SP2: variants seen among roughly 807,000 people sequenced by gnomAD.
SP2 encodes the protein transcription factor Sp2.
A neutral mutation model predicts 50.1 loss-of-function variants in SP2; 9 were observed. That is an observed-to-expected ratio of 0.18 (90% CI 0.11 to 0.31). The LOEUF is 0.31. Ranked by LOEUF, SP2 falls within the 10% of genes least tolerant of loss-of-function variation. SP2 has a pLI of 1.00. For missense variants in SP2, 581 were observed against 806.5 expected, an observed-to-expected ratio of 0.72 and a Z score of 3.39; for synonymous variants, 313 against 326.6, an observed-to-expected ratio of 0.96 and a Z score of 0.45.
intron 1 of SP2, among the ~76,000 whole-genome samples, chr17:47,903,188 C>G (rs990629390): frequency 6.6e-6 from 1 of 152,110 alleles, no homozygotes; most frequent in African/African-American, 2.4e-5. Context: ...GTTTCTAAAC[C>G]CACGAGACTA....
At chr17:47,927,406 A>G (rs2144101658) in intron 6 of SP2, among the ~76,000 whole-genome samples, 1 of 151,946 alleles carries the variant, frequency 6.6e-6, no homozygotes, top group East Asian at 1.9e-4. Flanking sequence ...AGTGGCGGGC[A>G]TCTGTAGTCC....
At chr17:47,909,818 A>G (rs1048256398) in intron 1 of SP2, 2 of 342,778 alleles carry the variant, frequency 5.8e-6, no homozygotes, top group Non-Finnish European at 8.2e-6. Flanking sequence ...TGTGTTTCCA[A>G]TCCTTCTCAC....
intron 1 of SP2, among the ~76,000 whole-genome samples, chr17:47,909,325 TA>T (rs1395551874): frequency 2.6e-5 from 4 of 152,240 alleles, no homozygotes; most frequent in Non-Finnish European, 5.9e-5. Flanking sequence ...CCATTCAGCT[TA>T]AAGTCAAAAC....
intron 1 of SP2, among the ~76,000 whole-genome samples, chr17:47,900,958 C>T (rs927442329): frequency 1.3e-5 from 2 of 152,098 alleles, no homozygotes; most frequent in East Asian, 3.8e-4. Flanking sequence ...GATGCTGTTT[C>T]TTGGGCCTGC....
downstream of SP2, among the ~76,000 whole-genome samples, chr17:47,931,403 G>C (rs1035777995): frequency 6.6e-6 from 1 of 152,088 alleles, no homozygotes; most frequent in African/African-American, 2.4e-5. Flanking sequence ...AGGCTTGTTT[G>C]ATGACAGTGC....
chr17:47,925,247 C>T, intron 5 of SP2, 101 bp from the exon 6 acceptor site: 2 of 1,415,658 alleles, frequency 1.4e-6, no homozygotes, highest in African/African-American at 1.4e-5. Context: ...TGCTCTCTGA[C>T]CTGACCCCAC....
At chr17:47,917,629 T>G (rs1021747029) in intron 3 of SP2, among the ~76,000 whole-genome samples, 6 of 151,212 alleles carry the variant, frequency 4.0e-5, no homozygotes, top group Non-Finnish European at 8.9e-5. Context: ...TAGGGTGTTT[T>G]TTTTTTTTTT....
chr17:47,904,275 A>AG (rs966043080), intron 1 of SP2, among the ~76,000 whole-genome samples: 6 of 151,880 alleles, frequency 4.0e-5, no homozygotes, highest in Admixed American at 2.0e-4. Flanking sequence ...AAAAAAAAAA[A>AG]AAAAAGAAGT....
downstream of SP2, among the ~76,000 whole-genome samples, chr17:47,930,895 C>G (rs1201516793): frequency 6.6e-6 from 1 of 152,170 alleles, no homozygotes; most frequent in Non-Finnish European, 1.5e-5. Context: ...ATCCCACAGC[C>G]TAGGATTCCA....
At position 47,927,725 on chromosome 17, in the gene SP2, G is replaced by T; in HGVS notation, c.1743G>T (p.Gly581=). The change falls in exon 7 of 7, where the codon GGG becomes GGT. Residue 581 remains glycine (G), a splice_region_variant and synonymous_variant. Coordinates refer to ENST00000376741, the MANE Select transcript of SP2 (RefSeq NM_003110.6). Reference sequence around the variant, plus strand: ...GTGATGGGCATCTCCTCTTCCCAGGGGACAAACGCTTCGAGTGCGCCCAGT... The same window carrying T: ...GTGATGGGCATCTCCTCTTCCCAGGTGACAAACGCTTCGAGTGCGCCCAGT... ...ELQRHARTHT[G]DKRFECAQCQ... is the part of the protein sequence containing the mutation. 1 of 1,574,900 alleles carries T rather than the reference G, an allele frequency of 6.3e-7. No homozygotes were observed. Among genetic ancestry groups the T allele is most frequent in the Non-Finnish European group, 8.6e-7 (1 of 1,158,806 alleles).
At chr17:47,925,119 A>G in intron 5 of SP2, 26 bp downstream of exon 5, 1 of 1,583,546 alleles carries the variant, frequency 6.3e-7, no homozygotes. Flanking sequence ...GGCCCAAGCC[A>G]CAAGGCTGGC....
At chr17:47,917,405 G>C (rs1034842393) in intron 3 of SP2, among the ~76,000 whole-genome samples, 5 of 152,074 alleles carry the variant, frequency 3.3e-5, no homozygotes, top group African/African-American at 7.2e-5. Flanking sequence ...TGAGGGGATA[G>C]ATACATACTT....
chr17:47,931,611 T>C (rs1184278947), downstream of SP2, among the ~76,000 whole-genome samples: 1 of 152,184 alleles, frequency 6.6e-6, no homozygotes, highest in Non-Finnish European at 1.5e-5. Flanking sequence ...CTGAGGCCCC[T>C]TTAAGGTTGC....
chr17:47,923,485 CAG>C (rs749524633), intron 4 of SP2, among the ~76,000 whole-genome samples: 1 of 152,230 alleles, frequency 6.6e-6, no homozygotes, highest in Non-Finnish European at 1.5e-5. Flanking sequence ...CAGCTGAAGA[CAG>C]AGAAGATAGA....
chr17:47,902,144 A>G (rs577393566), intron 1 of SP2, among the ~76,000 whole-genome samples: 5 of 152,174 alleles, frequency 3.3e-5, no homozygotes, highest in South Asian at 4.2e-4. Flanking sequence ...GCCTTTTTCT[A>G]TCTGGGGTGA....
At chr17:47,913,994 A>G (rs2143925642) in intron 1 of SP2, among the ~76,000 whole-genome samples, 1 of 152,344 alleles carries the variant, frequency 6.6e-6, no homozygotes, top group South Asian at 2.1e-4. Flanking sequence ...ATATCCAGTT[A>G]GTCATTAGCT....
In SP2 at chr17:47,916,256, C is replaced by G; in HGVS notation, c.185C>G (p.Pro62Arg). 1 of 1,614,142 alleles carries G rather than the reference C, an allele frequency of 6.2e-7. No homozygotes were observed. The highest frequency in any genetic ancestry group is 8.5e-7 in the Non-Finnish European group (1 of 1,180,034). The change falls in exon 3 of 7, where the codon CCC (proline) becomes CGC (arginine). Residue 62 changes from proline to arginine, a missense_variant. This residue lies in a region of SP2 where 397 missense variants were observed against 491.0 expected (regional missense o/e 0.81). Coordinates refer to ENST00000376741, the MANE Select transcript of SP2 (RefSeq NM_003110.6). This position sits in a 1 kb window ranked among gnomAD's most constrained non-coding sequence, Gnocchi z 4.7. ...GTGACACCTCCTGCTCCCCCACAGC[C>G]CACACCGCGGAAACTTGTCCCTATC... ...AAVTPPAPPQ[P>R]TPRKLVPIKP...
chr17:47,931,498 G>A (rs2035817223), downstream of SP2, among the ~76,000 whole-genome samples: 1 of 152,214 alleles, frequency 6.6e-6, no homozygotes, highest in East Asian at 1.9e-4. Context: ...CAAGCCCAGG[G>A]TAGGTGTGTA....
At position 47,925,440 on chromosome 17, in the gene SP2, G is replaced by T. The variant is rs758851436; in HGVS notation, c.1640G>T (p.Arg547Leu). Reference sequence around the variant, plus strand: ...ACGTCCTTGCTGCGTGCCCATGTGCGCCTGCACACTGGCGAGCGGCCCTTT... The same window carrying T: ...ACGTCCTTGCTGCGTGCCCATGTGCTCCTGCACACTGGCGAGCGGCCCTTT... ...RKTSLLRAHV[R>L]LHTGERPFVC... The change falls in exon 6 of 7, where the codon CGC (arginine) becomes CTC (leucine). Residue 547 changes from arginine (R) to leucine (L), a missense_variant. By Grantham distance (102) the Arg-to-Leu change is moderately radical. Around this residue, in one of 2 missense-constraint regions of SP2, gnomAD observed 184 missense variants for 315.5 expected, o/e 0.58. Coordinates refer to ENST00000376741, the MANE Select transcript of SP2 (RefSeq NM_003110.6). 3 of 1,614,174 alleles carry T rather than the reference G, an allele frequency of 1.9e-6. No homozygotes were observed. Among genetic ancestry groups the T allele is most frequent in the East Asian group, 2.2e-5 (1 of 44,888 alleles).
Sources: gnomAD v4.1 joint callset for allele counts (sites outside exome capture counted in the v4.1 genomes callset) on GRCh38, gnomAD v4.1.1 for gene constraint, gnomAD v4.1.1 regional missense constraint, Gnocchi (gnomAD v3.1) non-coding constraint, MANE v1.5 for transcripts, NCBI Gene and HGNC (gene_info 2026-07-23, HGNC 2026-07-21) for gene names.